SLAMF9: variants seen among roughly 807,000 people sequenced by gnomAD.
SLAMF9 encodes the protein SLAM family member 9.
A neutral mutation model predicts 30.4 loss-of-function variants in SLAMF9; 25 were observed. The ratio of observed to expected loss-of-function variants is 0.82; its 90% CI spans 0.60 to 1.15. The LOEUF (loss-of-function observed/expected upper bound fraction) is 1.15, where lower values mean the gene tolerates loss of function less well. SLAMF9 is among the 50% of genes most tolerant of loss of function. The pLI is 0.00. For missense variants in SLAMF9, 344 were observed against 346.1 expected, an observed-to-expected ratio of 0.99 and a Z score of 0.05; for synonymous variants, 129 against 127.2, an observed-to-expected ratio of 1.01 and a Z score of -0.09.
chr1:159,973,190 G>T, the SLAMF9 span: 2 of 1,486,098 alleles, frequency 1.3e-6, no homozygotes, highest in South Asian at 1.1e-5. Context: ...ACCTCAGGGG[G>T]TGCAGCTTTG....
intron 3 of SLAMF9, 139 bp downstream of exon 3, chr1:159,952,123 A>G: frequency 9.8e-7 from 1 of 1,023,408 alleles, no homozygotes; most frequent in African/African-American, 1.6e-5. Flanking sequence ...TCTCCTCTCC[A>G]ATCCAGGTGT....
At chr1:159,973,675 C>A in the SLAMF9 span, 2 of 860,276 alleles carry the variant, frequency 2.3e-6, no homozygotes, top group Non-Finnish European at 3.7e-6. Flanking sequence ...CGGGTCCCCA[C>A]ACATTGGCCC....
At chr1:159,966,878 T>C in the SLAMF9 span, among the ~76,000 whole-genome samples, 1 of 152,200 alleles carries the variant, frequency 6.6e-6, no homozygotes, top group South Asian at 2.1e-4. Context: ...TTATCAGATG[T>C]ATAGTTTGAA....
the SLAMF9 span, among the ~76,000 whole-genome samples, chr1:159,982,295 C>T: frequency 6.6e-6 from 1 of 152,148 alleles, no homozygotes; most frequent in Non-Finnish European, 1.5e-5. Context: ...ATCTTGACAG[C>T]CACATGGAAC....
At chr1:159,966,915 G>A in the SLAMF9 span, among the ~76,000 whole-genome samples, 1 of 152,046 alleles carries the variant, frequency 6.6e-6, no homozygotes, top group African/African-American at 2.4e-5. Context: ...CTGTGGGTCT[G>A]TTCACTTTGT....
At chr1:159,983,873 A>C in the SLAMF9 span, 4 of 152,280 alleles carry the variant, frequency 2.6e-5, no homozygotes, top group Non-Finnish European at 2.9e-5. Context: ...AAAGAGACCC[A>C]CGTCACTCCC....
At chr1:159,973,810 C>A in the SLAMF9 span, 4,397 of 1,613,818 alleles carry the variant, frequency 2.7e-3, 24 homozygotes, top group Non-Finnish European at 2.8e-3. Context: ...TGGACTTGAA[C>A]CATGGCAGTC....
chr1:159,959,813 A>G, the SLAMF9 span, among the ~76,000 whole-genome samples: 1 of 152,064 alleles, frequency 6.6e-6, no homozygotes, highest in Non-Finnish European at 1.5e-5. Flanking sequence ...AAAGGCAGTG[A>G]CACCAGTTCT....
chr1:159,952,228 A>C, intron 3 of SLAMF9, 34 bp downstream of exon 3: 1 of 1,610,388 alleles, frequency 6.2e-7, no homozygotes, highest in African/African-American at 1.3e-5. Context: ...ACTATCTTTC[A>C]TGAGCTCAGG....
In SLAMF9 at chr1:159,951,552, G is replaced by A; in HGVS notation, c.*109C>T. 1 of 1,003,220 alleles carries A rather than the reference G, an allele frequency of 1.0e-6. No homozygotes were observed. The highest frequency in any genetic ancestry group is 1.5e-5 in the South Asian group (1 of 65,716). 62.1% of individuals were successfully genotyped at this position (1,003,220 alleles called of 1,614,324 possible). On this transcript the variant is annotated 3_prime_UTR_variant, in exon 4 of 4. Transcript: ENST00000368093. ...TCTTCCCTCAGAAGTATGGCTCTCTGGATACCCACCCCTGAGCACCTCCTT... is the reference window on the plus strand; with the variant it reads ...TCTTCCCTCAGAAGTATGGCTCTCTAGATACCCACCCCTGAGCACCTCCTT...
the SLAMF9 span, among the ~76,000 whole-genome samples, chr1:159,959,841 C>T: frequency 6.6e-6 from 1 of 152,182 alleles, no homozygotes; most frequent in East Asian, 1.9e-4. Context: ...TCCCATTGTA[C>T]GTTCCTCAAG....
At chr1:159,952,676 C>A (rs1405421963) in intron 2 of SLAMF9, 142 bp from the exon 3 acceptor site, 4 of 847,602 alleles carry the variant, frequency 4.7e-6, no homozygotes, top group Non-Finnish European at 7.2e-6. Flanking sequence ...CAAACAAACC[C>A]AACCACCATA....
chr1:159,973,460 C>T, the SLAMF9 span, among the ~76,000 whole-genome samples: 7 of 152,182 alleles, frequency 4.6e-5, no homozygotes, highest in East Asian at 1.2e-3. Context: ...GACTCCCACA[C>T]AGCCAGACCC....
At chr1:159,970,287 T>G in the SLAMF9 span, among the ~76,000 whole-genome samples, 2 of 152,164 alleles carry the variant, frequency 1.3e-5, no homozygotes, top group African/African-American at 4.8e-5. Flanking sequence ...TAGTGCAGAC[T>G]TGCTCCCCTG....
intron 3 of SLAMF9, 44 bp downstream of exon 3, chr1:159,952,218 A>G: frequency 6.2e-7 from 1 of 1,606,578 alleles, no homozygotes; most frequent in Non-Finnish European, 8.5e-7. Context: ...GCCTCTAGGC[A>G]CTATCTTTCA....
intron 1 of SLAMF9, 82 bp from the exon 2 acceptor site, chr1:159,953,735 C>T (rs986593189): frequency 3.1e-6 from 4 of 1,283,060 alleles, no homozygotes; most frequent in African/African-American, 1.5e-5. Context: ...GCCAGAGTAG[C>T]GTAATCTCAG....
At chr1:159,976,960 G>GAAAGAAAGAAAA in the SLAMF9 span, 3 of 101,802 alleles carry the variant, frequency 2.9e-5, no homozygotes, top group African/African-American at 1.2e-4. Context: ...AAGAAAGAAA[G>GAAAGAAAGAAAA]AGAAAGAAAG....
In SLAMF9 at chr1:159,954,105, CAGG is replaced by C. The variant is rs1651868614; in HGVS notation, c.30_32del (p.Leu13del). The C allele has an allele frequency of 1.5e-5, 25 of 1,614,086 alleles. No individual in the cohort carries two copies. Among genetic ancestry groups the C allele is most frequent in the Non-Finnish European group, 2.1e-5 (25 of 1,180,010 alleles). Reference sequence around the variant, plus strand: ...AGCTTCACTCACCCTCCTGGAGCAGCAGGAGAAGAAGCAGCCAAGGAAAGGCAC... The same window carrying C: ...AGCTTCACTCACCCTCCTGGAGCAGCAGAAGAAGCAGCCAAGGAAAGGCAC... On this transcript the variant is annotated inframe_deletion, in exon 1 of 4. Coordinates refer to ENST00000368093, the MANE Select transcript of SLAMF9 (RefSeq NM_033438.4).
chr1:159,956,143 T>C (rs1039074540), upstream of SLAMF9, among the ~76,000 whole-genome samples: 6 of 152,144 alleles, frequency 3.9e-5, no homozygotes, highest in African/African-American at 1.4e-4. Flanking sequence ...ATTGTAGATA[T>C]ATACACAATG....
Sources: allele counts gnomAD v4.1 joint callset (sites outside exome capture counted in the v4.1 genomes callset), GRCh38; gene constraint gnomAD v4.1.1; transcripts MANE v1.5; gene names NCBI Gene and HGNC (gene_info 2026-07-23, HGNC 2026-07-21).